UNC5D: variants seen among roughly 807,000 people sequenced by gnomAD.
UNC5D encodes unc-5 netrin receptor D.
In UNC5D, 39 loss-of-function variants were observed where a neutral mutation model predicts 105.4. That is an observed-to-expected ratio of 0.37 (90% confidence interval 0.29 to 0.48). The LOEUF (loss-of-function observed/expected upper bound fraction) is 0.48, where lower values mean the gene tolerates loss of function less well. Among genes scored for constraint, UNC5D ranks in the 20% least tolerant of loss-of-function variants. The pLI is 0.98. For synonymous variants in UNC5D, 452 were observed against 450.4 expected, an observed-to-expected ratio of 1.00 and a Z score of -0.04; for missense variants, 991 against 1,202.4, an observed-to-expected ratio of 0.82 and a Z score of 2.60.
intron 1 of UNC5D, among the ~76,000 whole-genome samples, chr8:35,502,676 C>T (rs890941006): frequency 5.9e-5 from 9 of 151,826 alleles, no homozygotes; most frequent in African/African-American, 1.2e-4. Context: ...CCCCTGCCTC[C>T]GCCTCCTGAG....
chr8:35,626,428 G>A (rs1423054788), intron 4 of UNC5D, among the ~76,000 whole-genome samples: 1 of 152,058 alleles, frequency 6.6e-6, no homozygotes, highest in Non-Finnish European at 1.5e-5. Context: ...TTAACTCTCT[G>A]ATTAGCTATA....
intron 1 of UNC5D, among the ~76,000 whole-genome samples, chr8:35,452,779 T>C (rs1211338724): frequency 1.3e-5 from 2 of 152,166 alleles, no homozygotes; most frequent in Non-Finnish European, 2.9e-5. Flanking sequence ...CTACTACTGT[T>C]CTGTGAGCCA....
At chr8:35,248,393 T>TAAGAA (rs1420059226) in intron 1 of UNC5D, among the ~76,000 whole-genome samples, 101 of 55,484 alleles carry the variant, frequency 1.8e-3, no homozygotes, top group African/African-American at 2.0e-3. Context: ...ATATGTTATA[T>TAAGAA]ATGAAATAGA....
chr8:35,319,749 A>T (rs1004818448), intron 1 of UNC5D, among the ~76,000 whole-genome samples: 1 of 152,062 alleles, frequency 6.6e-6, no homozygotes, highest in Non-Finnish European at 1.5e-5. Context: ...CAGAGTTGTC[A>T]TGTTCTTTTG....
rs138477138 is a variant in UNC5D, at chr8:35,438,190, G to A, written c.104-111102G>A. Among the ~76,000 whole-genome samples, 639 of 152,110 alleles carry A rather than the reference G, an allele frequency of 4.2e-3. 4 individuals are homozygous for A. Among genetic ancestry groups the A allele is most frequent in the Middle Eastern group, 0.014 (4 of 294 alleles). On this transcript the variant is annotated intron_variant, in intron 1 of 16. Transcript: ENST00000404895. The stretch of plus-strand genomic sequence containing the variant: ...GGCAATATGATACAGTAAGGAGACC[G>A]ACTCCAGACAGACGTGGCTTTGAAT...
chr8:35,373,971 G>A (rs1419957601), intron 1 of UNC5D, among the ~76,000 whole-genome samples: 1 of 152,172 alleles, frequency 6.6e-6, no homozygotes, highest in Non-Finnish European at 1.5e-5. Flanking sequence ...AGGGAAGGGA[G>A]CGCAAGGGAG....
chr8:35,295,458 C>T (rs1349907588), intron 1 of UNC5D, among the ~76,000 whole-genome samples: 1 of 152,132 alleles, frequency 6.6e-6, no homozygotes, highest in East Asian at 1.9e-4. Context: ...AGTGGACTCA[C>T]ACAGCTCAGG....
At chr8:35,641,042 C>T (rs371615215) in intron 4 of UNC5D, among the ~76,000 whole-genome samples, 4 of 151,884 alleles carry the variant, frequency 2.6e-5, no homozygotes, top group East Asian at 1.9e-4. Flanking sequence ...ATAAGAAATT[C>T]GATTAGATTT....
chr8:35,688,338 T>C (rs997353856), intron 7 of UNC5D, among the ~76,000 whole-genome samples: 3 of 151,880 alleles, frequency 2.0e-5, no homozygotes, highest in African/African-American at 4.8e-5. Flanking sequence ...ATGTAGGAAA[T>C]ATCTAAGTTG....
At chr8:35,423,655 T>TTAACAAGTGTCATGTTTTGGAGACAAA (rs1426874215) in intron 1 of UNC5D, among the ~76,000 whole-genome samples, 1 of 152,214 alleles carries the variant, frequency 6.6e-6, no homozygotes, top group Non-Finnish European at 1.5e-5. Flanking sequence ...ATGACAGTTT[T>TTAACAAGTGTCATGTTTTGGAGACAAA]TAACAAGTGT....
At chr8:35,404,434 C>T (rs530815877) in intron 1 of UNC5D, among the ~76,000 whole-genome samples, 2 of 152,268 alleles carry the variant, frequency 1.3e-5, no homozygotes, top group South Asian at 2.1e-4. Context: ...GGTTTGGGTT[C>T]AAATGCTGTC....
At chr8:35,735,384 A>C (rs969257472) in intron 11 of UNC5D, among the ~76,000 whole-genome samples, 2 of 152,236 alleles carry the variant, frequency 1.3e-5, no homozygotes, top group Non-Finnish European at 2.9e-5. Flanking sequence ...ACTCCTGACC[A>C]AATGCTTAGA....
intron 1 of UNC5D, among the ~76,000 whole-genome samples, chr8:35,397,404 G>A (rs532683133): frequency 9.2e-5 from 14 of 152,346 alleles, no homozygotes; most frequent in African/African-American, 3.4e-4. Context: ...CCAGATGCCA[G>A]GCAAGGGCCA....
chr8:35,304,653 A>G (rs541809333), intron 1 of UNC5D, among the ~76,000 whole-genome samples: 1 of 152,234 alleles, frequency 6.6e-6, no homozygotes, highest in Admixed American at 6.5e-5. Flanking sequence ...AGTGAATATT[A>G]AAAGACTGTA....
chr8:35,639,872 C>G (rs1822604499), intron 4 of UNC5D, among the ~76,000 whole-genome samples: 1 of 151,826 alleles, frequency 6.6e-6, no homozygotes, highest in Non-Finnish European at 1.5e-5. Context: ...TAGGCATGCA[C>G]CCCCATGCCT....
chr8:35,461,383 A>C (rs528147921), intron 1 of UNC5D, among the ~76,000 whole-genome samples: 2 of 152,294 alleles, frequency 1.3e-5, no homozygotes, highest in Admixed American at 6.5e-5. Context: ...ACGCGTGTGA[A>C]AAAAGGAATA....
At chr8:35,292,442 G>T (rs1276187797) in intron 1 of UNC5D, among the ~76,000 whole-genome samples, 1 of 152,102 alleles carries the variant, frequency 6.6e-6, no homozygotes, top group Non-Finnish European at 1.5e-5. Flanking sequence ...GAAAAATTTT[G>T]TTCTAATTAT....
intron 1 of UNC5D, among the ~76,000 whole-genome samples, chr8:35,331,512 T>C (rs1286865950): frequency 6.6e-6 from 1 of 152,154 alleles, no homozygotes; most frequent in African/African-American, 2.4e-5. Context: ...TCCTCGCCTG[T>C]ATCACTTGCC....
At chr8:35,358,237 G>A (rs559324264) in intron 1 of UNC5D, among the ~76,000 whole-genome samples, 1 of 152,100 alleles carries the variant, frequency 6.6e-6, no homozygotes, top group Non-Finnish European at 1.5e-5. Flanking sequence ...GCAAAGACAT[G>A]GAATCAACCC....
Sources: gnomAD v4.1 joint callset for allele counts (sites outside exome capture counted in the v4.1 genomes callset) on GRCh38, gnomAD v4.1.1 for gene constraint, MANE v1.5 for transcripts, NCBI Gene and HGNC (gene_info 2026-07-23, HGNC 2026-07-21) for gene names.